Variants in EPHA6 observed in about 807,000 individuals in gnomAD.
The protein encoded by EPHA6 is EPH receptor A6, also known as ephrin type-A receptor 6.
A neutral mutation model predicts 112.0 loss-of-function variants in EPHA6; 50 were observed. The observed-to-expected ratio is 0.45, with a 90% confidence interval of 0.36 to 0.56. The LOEUF is 0.56. Ranked by LOEUF, EPHA6 falls within the 20% of genes least tolerant of loss-of-function variation. The pLI is 0.00. For synonymous variants in EPHA6, 529 were observed against 490.7 expected (o/e 1.08, Z -1.03); for missense variants, 1,280 against 1,417.4 (o/e 0.90, Z 1.56).
chr3:97,118,443 C>T (rs1005848038), intron 3 of EPHA6, among the ~76,000 whole-genome samples: 8 of 151,890 alleles, frequency 5.3e-5, no homozygotes, highest in African/African-American at 1.9e-4. Context: ...AATGTTCCTT[C>T]AATCTGTACT....
intron 14 of EPHA6, among the ~76,000 whole-genome samples, chr3:97,709,687 A>G (rs570209368): frequency 3.9e-5 from 6 of 152,160 alleles, no homozygotes; most frequent in Non-Finnish European, 8.8e-5. Context: ...TTCATCTCAA[A>G]TTGTAATCCC....
chr3:97,386,214 G>A (rs1577191421), intron 5 of EPHA6, among the ~76,000 whole-genome samples: 1 of 152,204 alleles, frequency 6.6e-6, no homozygotes, highest in South Asian at 2.1e-4. Context: ...AGAACTGTGA[G>A]CTGATTAAAC....
At chr3:97,697,459 T>C (rs1372489516) in intron 14 of EPHA6, among the ~76,000 whole-genome samples, 1 of 152,206 alleles carries the variant, frequency 6.6e-6, no homozygotes, top group Non-Finnish European at 1.5e-5. Flanking sequence ...AATGAGAATG[T>C]ATGGCTTCTA....
At chr3:96,844,384 C>G (rs2034944434) in intron 1 of EPHA6, among the ~76,000 whole-genome samples, 1 of 152,018 alleles carries the variant, frequency 6.6e-6, no homozygotes, top group South Asian at 2.1e-4. Flanking sequence ...AAATGTATGT[C>G]ATGCATTCTT....
At chr3:97,489,546 C>T (rs926529599) in intron 10 of EPHA6, among the ~76,000 whole-genome samples, 4 of 151,748 alleles carry the variant, frequency 2.6e-5, no homozygotes, top group Non-Finnish European at 5.9e-5. Flanking sequence ...ATTAGCAGGG[C>T]GTTGTGGCGG....
intron 3 of EPHA6, among the ~76,000 whole-genome samples, chr3:97,030,462 G>A (rs1386719589): frequency 6.6e-6 from 1 of 152,054 alleles, no homozygotes; most frequent in Non-Finnish European, 1.5e-5. Flanking sequence ...GAGCCATAGA[G>A]CACGGGTTAT....
chr3:97,729,591 C>T (rs1345990931), intron 15 of EPHA6, among the ~76,000 whole-genome samples: 3 of 151,978 alleles, frequency 2.0e-5, no homozygotes, highest in Non-Finnish European at 2.9e-5. Context: ...TGGGGATTGT[C>T]GGAGCTACAG....
chr3:97,439,293 T>G (rs932401702), intron 6 of EPHA6, among the ~76,000 whole-genome samples: 1 of 152,206 alleles, frequency 6.6e-6, no homozygotes, highest in African/African-American at 2.4e-5. Flanking sequence ...TACTTAATGA[T>G]ACGTCCCCAG....
intron 16 of EPHA6, among the ~76,000 whole-genome samples, chr3:97,744,896 T>A (rs540182015): frequency 6.6e-6 from 1 of 152,112 alleles, no homozygotes; most frequent in Admixed American, 6.6e-5. Context: ...TCTTCAGTTT[T>A]AACGAACTAC....
At position 97,275,785 on chromosome 3, in the gene EPHA6, G is replaced by A. The variant is rs574145664; in HGVS notation, c.1606+31498G>A. Among the ~76,000 whole-genome samples the A allele has an allele frequency of 1.4e-4, 21 of 150,104 alleles. No individual in the cohort carries two copies. The East Asian group carries it at 1.6e-3, about 11-fold the overall frequency. On this transcript the variant is annotated intron_variant, in intron 5 of 17. Transcript: ENST00000389672. ...ATGAGATGGTAAGGGGTGCATGATC[G>A]GTCGCCAAGGAGGGAGTAGAGGTAT...
intron 5 of EPHA6, among the ~76,000 whole-genome samples, chr3:97,314,025 A>T (rs1693197529): frequency 6.6e-6 from 1 of 151,528 alleles, no homozygotes; most frequent in Non-Finnish European, 1.5e-5. Context: ...CTTACATGTA[A>T]GTCTTTTATC....
intron 3 of EPHA6, among the ~76,000 whole-genome samples, chr3:97,202,704 G>C (rs1479372294): frequency 6.6e-6 from 1 of 152,110 alleles, no homozygotes; most frequent in Non-Finnish European, 1.5e-5. Flanking sequence ...AGTTGAACTT[G>C]TGTTGACTAT....
intron 3 of EPHA6, among the ~76,000 whole-genome samples, chr3:97,002,446 T>C (rs1359412421): frequency 2.7e-5 from 4 of 150,730 alleles, no homozygotes; most frequent in Non-Finnish European, 5.9e-5. Context: ...TCTATTGAGG[T>C]GACCATAAAA....
chr3:97,508,878 T>C (rs1223531008), intron 10 of EPHA6, among the ~76,000 whole-genome samples: 2 of 152,004 alleles, frequency 1.3e-5, no homozygotes, highest in Non-Finnish European at 2.9e-5. Flanking sequence ...AGTTAGCTCT[T>C]CTTATTGCAT....
chr3:97,450,813 G>A (rs1272638697), intron 7 of EPHA6, among the ~76,000 whole-genome samples: 1 of 151,988 alleles, frequency 6.6e-6, no homozygotes, highest in African/African-American at 2.4e-5. Flanking sequence ...ACAAGTTTCA[G>A]TCTGTATTTC....
intron 14 of EPHA6, among the ~76,000 whole-genome samples, chr3:97,653,821 G>A (rs949020974): frequency 1.3e-5 from 2 of 151,836 alleles, no homozygotes; most frequent in African/African-American, 4.8e-5. Flanking sequence ...CCCCCAAAAA[G>A]AAAATCCTGC....
At chr3:97,413,362 G>A (rs1299788857) in intron 6 of EPHA6, among the ~76,000 whole-genome samples, 1 of 151,560 alleles carries the variant, frequency 6.6e-6, no homozygotes, top group Non-Finnish European at 1.5e-5. Context: ...AGGGGGTTTT[G>A]GGAACTTAAG....
chr3:97,334,012 G>T (rs192105800), intron 5 of EPHA6, among the ~76,000 whole-genome samples: 73 of 152,188 alleles, frequency 4.8e-4, no homozygotes, highest in Non-Finnish European at 8.1e-4. Flanking sequence ...TTTATCATAA[G>T]TGAGTGTTGG....
intron 2 of EPHA6, among the ~76,000 whole-genome samples, chr3:96,946,323 C>G (rs148400797): frequency 0.045 from 6,765 of 151,980 alleles, 476 homozygotes; most frequent in African/African-American, 0.14. Flanking sequence ...TCCCTCCCCC[C>G]CTTCCCCCAC....
Sources: allele counts gnomAD v4.1 joint callset (sites outside exome capture counted in the v4.1 genomes callset), GRCh38; gene constraint gnomAD v4.1.1; transcripts MANE v1.5; gene names NCBI Gene and HGNC (gene_info 2026-07-23, HGNC 2026-07-21).